ADK: variants seen among roughly 807,000 people sequenced by gnomAD.
The protein encoded by ADK is adenosine kinase, also known as N6,N6-dimethyladenosine kinase.
A neutral mutation model predicts 44.7 loss-of-function variants in ADK; 24 were observed. That is an observed-to-expected ratio of 0.54 (90% CI 0.39 to 0.76). The LOEUF is 0.76. Ranked by LOEUF, ADK falls within the 30% of genes least tolerant of loss-of-function variation. The pLI is 0.00. For missense variants in ADK, 321 were observed against 425.1 expected, an observed-to-expected ratio of 0.76 and a Z score of 2.15; for synonymous variants, 128 against 142.6, an observed-to-expected ratio of 0.90 and a Z score of 0.73.
intron 7 of ADK, among the ~76,000 whole-genome samples, chr10:74,574,156 T>C (rs968296436): frequency 6.0e-5 from 9 of 151,080 alleles, no homozygotes; most frequent in Non-Finnish European, 1.2e-4. Flanking sequence ...TTGGCTCCGC[T>C]ACTTTCTTTC....
intron 5 of ADK, 114 bp downstream of exon 5, chr10:74,394,427 T>TAAATGCTTATC: frequency 1.0e-6 from 1 of 998,570 alleles, no homozygotes. Context: ...TAATGTTTGA[T>TAAATGCTTATC]AAATGCTTAT....
chr10:74,633,015 C>T (rs1210062483), intron 9 of ADK, among the ~76,000 whole-genome samples: 1 of 151,946 alleles, frequency 6.6e-6, no homozygotes, highest in East Asian at 1.9e-4. Flanking sequence ...AAATATTCAG[C>T]CATAGAGAAT....
intron 3 of ADK, among the ~76,000 whole-genome samples, chr10:74,233,744 A>C (rs189579444): frequency 4.6e-5 from 7 of 152,264 alleles, no homozygotes; most frequent in African/African-American, 1.7e-4. Flanking sequence ...GATTTCTTTC[A>C]TTACCTACTT....
At chr10:74,323,727 C>T (rs1050228016) in intron 4 of ADK, among the ~76,000 whole-genome samples, 2 of 151,456 alleles carry the variant, frequency 1.3e-5, no homozygotes, top group Non-Finnish European at 2.9e-5. Flanking sequence ...CCCGCCACTG[C>T]ACCCGGCTAA....
chr10:74,200,658 G>T, intron 1 of ADK, 106 bp from the exon 2 acceptor site: 1 of 776,374 alleles, frequency 1.3e-6, no homozygotes, highest in Non-Finnish European at 2.2e-6. Flanking sequence ...GGTGTGTTAG[G>T]TTTATTTTCA....
intron 6 of ADK, among the ~76,000 whole-genome samples, chr10:74,403,984 T>C (rs1432699619): frequency 6.6e-6 from 1 of 152,078 alleles, no homozygotes; most frequent in Non-Finnish European, 1.5e-5. Flanking sequence ...CCATTCTCCT[T>C]GCCTTAGCCT....
intron 1 of ADK, among the ~76,000 whole-genome samples, chr10:74,157,433 A>G (rs574524831): frequency 2.6e-5 from 4 of 152,298 alleles, no homozygotes; most frequent in African/African-American, 9.6e-5. Flanking sequence ...AAATAGGTAG[A>G]TATGAAATAG....
At chr10:74,540,106 C>T (rs943773521) in intron 7 of ADK, among the ~76,000 whole-genome samples, 1 of 152,014 alleles carries the variant, frequency 6.6e-6, no homozygotes, top group Non-Finnish European at 1.5e-5. Flanking sequence ...ATCTAACATC[C>T]ATCACTGGTA....
chr10:74,379,075 C>A (rs1223310299), intron 4 of ADK, among the ~76,000 whole-genome samples: 1 of 152,064 alleles, frequency 6.6e-6, no homozygotes, highest in Non-Finnish European at 1.5e-5. Context: ...ACCTGTAGGG[C>A]CTCATAGACT....
At chr10:74,188,952 T>C (rs1842864848) in intron 1 of ADK, among the ~76,000 whole-genome samples, 1 of 152,100 alleles carries the variant, frequency 6.6e-6, no homozygotes, top group Non-Finnish European at 1.5e-5. Context: ...TTTGTATTTT[T>C]AGTAGAGACG....
At chr10:74,171,810 CTGTGTGTG>C (rs144943440) in intron 1 of ADK, among the ~76,000 whole-genome samples, 19 of 144,070 alleles carry the variant, frequency 1.3e-4, no homozygotes, top group East Asian at 8.0e-4. Context: ...CTCTGTCTCT[CTGTGTGTG>C]TGTGTGTGTG....
chr10:74,405,887 T>G (rs1050657381), intron 6 of ADK, among the ~76,000 whole-genome samples: 3 of 152,148 alleles, frequency 2.0e-5, no homozygotes, highest in Non-Finnish European at 4.4e-5. Flanking sequence ...TTAATACTTT[T>G]GGATGTTTCT....
At chr10:74,207,049 T>C (rs1843628644) in intron 2 of ADK, among the ~76,000 whole-genome samples, 1 of 152,150 alleles carries the variant, frequency 6.6e-6, no homozygotes, top group South Asian at 2.1e-4. Flanking sequence ...CAAGCGAATA[T>C]GGGATCTGGC....
chr10:74,532,475 C>CAA (rs34947578), intron 7 of ADK, among the ~76,000 whole-genome samples: 9,683 of 124,800 alleles, frequency 0.078, 1,054 homozygotes, highest in African/African-American at 0.26. Flanking sequence ...GAAACTGTGT[C>CAA]AAAAAAAAAA....
intron 9 of ADK, among the ~76,000 whole-genome samples, chr10:74,652,525 C>T (rs912060541): frequency 2.0e-5 from 3 of 151,646 alleles, no homozygotes; most frequent in Non-Finnish European, 2.9e-5. Context: ...TTTTGGGAGG[C>T]CAAGGTGGGC....
intron 6 of ADK, among the ~76,000 whole-genome samples, chr10:74,479,068 T>A (rs928803027): frequency 6.6e-6 from 1 of 152,086 alleles, no homozygotes; most frequent in African/African-American, 2.4e-5. Context: ...GCATGATCTC[T>A]GCCCACTGCG....
chr10:74,452,874 T>C (rs146149318), intron 6 of ADK, among the ~76,000 whole-genome samples: 2 of 152,156 alleles, frequency 1.3e-5, no homozygotes, highest in African/African-American at 4.8e-5. Flanking sequence ...TTTTCAACAA[T>C]GATTAGTGGC....
intron 1 of ADK, among the ~76,000 whole-genome samples, chr10:74,192,991 G>T (rs925909631): frequency 5.3e-5 from 8 of 152,176 alleles, no homozygotes; most frequent in Non-Finnish European, 1.2e-4. Context: ...CTAAGATTAT[G>T]TATTTGCCTA....
intron 6 of ADK, among the ~76,000 whole-genome samples, chr10:74,501,592 A>G (rs760120786): frequency 2.0e-5 from 3 of 152,168 alleles, no homozygotes; most frequent in Admixed American, 1.3e-4. Context: ...ATGCAAAAAA[A>G]TTGTTATGGA....
Sources: allele counts gnomAD v4.1 joint callset (sites outside exome capture counted in the v4.1 genomes callset), GRCh38; gene constraint gnomAD v4.1.1; transcripts MANE v1.5; gene names NCBI Gene and HGNC (gene_info 2026-07-23, HGNC 2026-07-21).